Variants in RBFOX1 observed in about 807,000 individuals in gnomAD.
RBFOX1 encodes RNA binding fox-1 homolog 1, also known as RNA binding protein fox-1 homolog 1.
Under a neutral mutation model 57.7 loss-of-function variants are expected in RBFOX1, and 8 were observed. That is an observed-to-expected ratio of 0.14 (90% confidence interval 0.08 to 0.25). The LOEUF is 0.25. Among genes scored for constraint, RBFOX1 ranks in the 10% least tolerant of loss-of-function variants. The pLI, the probability that RBFOX1 is intolerant of heterozygous loss-of-function variation, is 1.00. For synonymous variants in RBFOX1, 326 were observed against 222.4 expected (o/e 1.47, Z -4.15); for missense variants, 611 against 548.5 (o/e 1.11, Z -1.14).
In RBFOX1 at chr16:5,835,242, G is replaced by T. The variant is rs115123769; in HGVS notation, c.319-32061G>T. ...GAAGTGAGCACAGAGCAATGAGCAC[G>T]TGACAATACTCGGCTGGGCAGGCAC... On this transcript the variant is annotated intron_variant, in intron 3 of 19. Coordinates refer to the RBFOX1 transcript ENST00000641259. 2.4e-3 allele frequency among the ~76,000 whole-genome samples: 358 copies of T among 152,266 alleles called. 2 individuals carry two copies. The highest frequency in any genetic ancestry group is 7.5e-3 in the African/African-American group (310 of 41,558).
intron 2 of RBFOX1, among the ~76,000 whole-genome samples, chr16:6,406,423 G>T (rs759921798): frequency 9.9e-5 from 15 of 152,044 alleles, no homozygotes; most frequent in Non-Finnish European, 1.5e-4. Flanking sequence ...GACAAATATG[G>T]AAGTCATTAA....
intron 3 of RBFOX1, among the ~76,000 whole-genome samples, chr16:6,943,201 C>G (rs928168504): frequency 3.9e-5 from 6 of 152,194 alleles, no homozygotes; most frequent in Non-Finnish European, 8.8e-5. Flanking sequence ...CAAATGGGAA[C>G]TGCTTTGCCT....
At chr16:7,029,627 A>T (rs2042279816) in intron 3 of RBFOX1, among the ~76,000 whole-genome samples, 1 of 152,252 alleles carries the variant, frequency 6.6e-6, no homozygotes, top group African/African-American at 2.4e-5. Context: ...GGCAAAAAGC[A>T]GAAGGGTATG....
At chr16:6,066,393 C>G (rs2095763459) in intron 1 of RBFOX1, among the ~76,000 whole-genome samples, 1 of 146,300 alleles carries the variant, frequency 6.8e-6, no homozygotes, top group South Asian at 2.3e-4. Context: ...ATTTCTAAGA[C>G]TGCAGAGCAT....
At chr16:6,404,903 C>A (rs1031399603) in intron 2 of RBFOX1, among the ~76,000 whole-genome samples, 1 of 152,206 alleles carries the variant, frequency 6.6e-6, no homozygotes, top group African/African-American at 2.4e-5. Context: ...AGAAGCCTGG[C>A]TATCCTAGCT....
At chr16:5,254,044 C>T (rs1453310561) in intron 1 of RBFOX1, among the ~76,000 whole-genome samples, 1 of 152,238 alleles carries the variant, frequency 6.6e-6, no homozygotes, top group Non-Finnish European at 1.5e-5. Flanking sequence ...CCCTTCAAGA[C>T]TGTGGTCACT....
chr16:6,625,514 T>A (rs2098292794), intron 2 of RBFOX1, among the ~76,000 whole-genome samples: 1 of 152,172 alleles, frequency 6.6e-6, no homozygotes, highest in African/African-American at 2.4e-5. Flanking sequence ...TGGGATTCAC[T>A]CAGTTCGTTA....
intron 2 of RBFOX1, among the ~76,000 whole-genome samples, chr16:6,348,969 T>C (rs556908409): frequency 6.6e-6 from 1 of 152,298 alleles, no homozygotes; most frequent in African/African-American, 2.4e-5. Context: ...TTTTTGGAAG[T>C]CAAGCGCTTC....
At chr16:6,638,754 C>G (rs548036548) in intron 2 of RBFOX1, among the ~76,000 whole-genome samples, 14 of 152,148 alleles carry the variant, frequency 9.2e-5, no homozygotes, top group Admixed American at 7.2e-4. Context: ...GACTTCTCTT[C>G]GCTATTGTAA....
At chr16:6,394,877 T>C (rs1365920723) in intron 2 of RBFOX1, among the ~76,000 whole-genome samples, 2 of 152,170 alleles carry the variant, frequency 1.3e-5, no homozygotes, top group Non-Finnish European at 2.9e-5. Context: ...CACAGCTGTG[T>C]ATCGTGGTGA....
intron 3 of RBFOX1, among the ~76,000 whole-genome samples, chr16:6,893,964 C>A (rs1373082169): frequency 6.6e-6 from 1 of 152,102 alleles, no homozygotes; most frequent in Non-Finnish European, 1.5e-5. Context: ...TAACCAAGTG[C>A]TATGATGTCT....
intron 4 of RBFOX1, among the ~76,000 whole-genome samples, chr16:7,223,101 C>A (rs984639400): frequency 2.0e-5 from 3 of 152,200 alleles, no homozygotes; most frequent in Admixed American, 2.0e-4. Context: ...AGACTAGCAA[C>A]TGAGGTGAAT....
intron 4 of RBFOX1, among the ~76,000 whole-genome samples, chr16:7,305,919 G>GGT (rs1184313052): frequency 6.6e-6 from 1 of 151,986 alleles, no homozygotes; most frequent in Non-Finnish European, 1.5e-5. Context: ...CTTTGCTGTG[G>GGT]GTGTGTGTGT....
At chr16:6,681,349 A>G (rs1295621850) in intron 3 of RBFOX1, among the ~76,000 whole-genome samples, 2 of 152,202 alleles carry the variant, frequency 1.3e-5, no homozygotes, top group Non-Finnish European at 2.9e-5. Context: ...TTTTGATCGC[A>G]TCTTGGTTAA....
rs1159874642 is a variant in RBFOX1, at chr16:5,856,206, T to TATAC, written c.319-11096_319-11095insTACA. Among the ~76,000 whole-genome samples, 94 of 40,500 alleles carry TATAC rather than the reference T, an allele frequency of 2.3e-3. 2 individuals are homozygous for TATAC. Among genetic ancestry groups the TATAC allele is most frequent in the Non-Finnish European group, 2.6e-3 (49 of 19,096 alleles). The allele number at this position is 40,500 out of a possible 152,430, so 26.6% of individuals were successfully genotyped here. Reference sequence around the variant, plus strand: ...CTCTCTCTATATATATATATATATATACATATATATGTATATATATATGTA... The same window carrying TATAC: ...CTCTCTCTATATATATATATATATATATACACATATATATGTATATATATATGTA... On this transcript the variant is annotated intron_variant, in intron 3 of 19. Coordinates refer to the RBFOX1 transcript ENST00000641259.
At chr16:7,020,177 G>T (rs1239527155) in intron 3 of RBFOX1, among the ~76,000 whole-genome samples, 1 of 151,954 alleles carries the variant, frequency 6.6e-6, no homozygotes, top group Non-Finnish European at 1.5e-5. Context: ...TTATACCTCT[G>T]TGTAAATCTA....
intron 10 of RBFOX1, among the ~76,000 whole-genome samples, chr16:7,627,481 C>A (rs2060258907): frequency 6.6e-6 from 1 of 152,166 alleles, no homozygotes; most frequent in African/African-American, 2.4e-5. Flanking sequence ...AGGATGTCAT[C>A]ATGTGATACA....
chr16:6,259,769 C>T (rs933456080), intron 1 of RBFOX1, among the ~76,000 whole-genome samples: 2 of 151,900 alleles, frequency 1.3e-5, no homozygotes, highest in African/African-American at 4.8e-5. Flanking sequence ...ACCAGCCTGG[C>T]AAACATGCTG....
chr16:6,281,621 A>G (rs1362199400), intron 1 of RBFOX1, among the ~76,000 whole-genome samples: 1 of 152,118 alleles, frequency 6.6e-6, no homozygotes, highest in Non-Finnish European at 1.5e-5. Context: ...AACACCGAGT[A>G]AAAAATAGTG....
Sources: allele counts gnomAD v4.1 joint callset (sites outside exome capture counted in the v4.1 genomes callset), GRCh38; gene constraint gnomAD v4.1.1; transcripts MANE v1.5; gene names NCBI Gene and HGNC (gene_info 2026-07-23, HGNC 2026-07-21).